MAPK10: variants seen among roughly 807,000 people sequenced by gnomAD.
MAPK10 encodes JNK3 alpha protein kinase.
In MAPK10, 25 loss-of-function variants were observed where a neutral mutation model predicts 59.3. The observed-to-expected ratio is 0.42, with a 90% confidence interval of 0.31 to 0.59. The LOEUF (loss-of-function observed/expected upper bound fraction) is 0.59, where lower values mean the gene tolerates loss of function less well. MAPK10 is among the 20% of genes least tolerant of loss of function. The pLI is 0.15. For synonymous variants in MAPK10, 190 were observed against 200.5 expected, an observed-to-expected ratio of 0.95 and a Z score of 0.44; for missense variants, 351 against 568.9, an observed-to-expected ratio of 0.62 and a Z score of 3.90.
At chr4:86,487,469 C>T (rs1754094077) in intron 1 of MAPK10, among the ~76,000 whole-genome samples, 1 of 151,894 alleles carries the variant, frequency 6.6e-6, no homozygotes, top group South Asian at 2.1e-4. Context: ...GTGGCTCACA[C>T]CTGTAATCCC....
chr4:86,272,844 C>T (rs2094473061), intron 2 of MAPK10, among the ~76,000 whole-genome samples: 1 of 152,062 alleles, frequency 6.6e-6, no homozygotes, highest in South Asian at 2.1e-4. Flanking sequence ...AGTCTGCATG[C>T]ATGATGAGCT....
chr4:86,169,284 C>A (rs964186411), intron 3 of MAPK10, among the ~76,000 whole-genome samples: 1 of 152,064 alleles, frequency 6.6e-6, no homozygotes, highest in Admixed American at 6.5e-5. Context: ...GGAGGAAATT[C>A]AAACCAAAGG....
At chr4:86,140,741 A>G (rs558805989) in intron 4 of MAPK10, among the ~76,000 whole-genome samples, 2 of 152,238 alleles carry the variant, frequency 1.3e-5, no homozygotes, top group African/African-American at 4.8e-5. Context: ...ACCAGCTACA[A>G]ATTACACATA....
At chr4:86,149,903 G>A (rs968844376) in intron 4 of MAPK10, among the ~76,000 whole-genome samples, 1 of 151,944 alleles carries the variant, frequency 6.6e-6, no homozygotes, top group Non-Finnish European at 1.5e-5. Context: ...CATTCCAAAC[G>A]AGCCCCAGAT....
In MAPK10 at chr4:86,576,580, C is replaced by T. The variant is rs181729806; in HGVS notation, c.-263+17330G>A. ...ATGAGGTCAGGAGATCAAGACCAGC[C>T]TGACTAACACAGCGAAACCCCGTCT... On this transcript the variant is annotated intron_variant, in intron 1 of 4. Coordinates refer to the MAPK10 transcript ENST00000502302. Among the ~76,000 whole-genome samples, 704 of 150,898 alleles carry T rather than the reference C, an allele frequency of 4.7e-3. 2 individuals carry two copies. The highest frequency in any genetic ancestry group is 0.016 in the African/African-American group (642 of 41,016).
chr4:86,552,674 T>C (rs951878032), intron 1 of MAPK10, among the ~76,000 whole-genome samples: 1 of 152,164 alleles, frequency 6.6e-6, no homozygotes, highest in Non-Finnish European at 1.5e-5. Flanking sequence ...TTTTTCTGGA[T>C]TATTTTTTCA....
intron 4 of MAPK10, among the ~76,000 whole-genome samples, chr4:86,136,634 C>A (rs2149161610): frequency 6.7e-6 from 1 of 150,206 alleles, no homozygotes; most frequent in South Asian, 2.1e-4. Context: ...AACTAACGAG[C>A]AAAATCACCA....
At chr4:86,392,608 A>G (rs1041426211) in intron 1 of MAPK10, among the ~76,000 whole-genome samples, 4 of 148,480 alleles carry the variant, frequency 2.7e-5, no homozygotes, top group African/African-American at 5.1e-5. Flanking sequence ...AACAAAAAAG[A>G]AAAAAAAAAG....
intron 11 of MAPK10, among the ~76,000 whole-genome samples, chr4:86,032,792 T>A (rs3775172): frequency 6.6e-6 from 1 of 152,176 alleles, no homozygotes; most frequent in African/African-American, 2.4e-5. Flanking sequence ...AGACTTTGCC[T>A]GGCTGTGGTG....
chr4:86,571,864 T>C (rs1170602135), intron 1 of MAPK10, among the ~76,000 whole-genome samples: 1 of 152,148 alleles, frequency 6.6e-6, no homozygotes, highest in Non-Finnish European at 1.5e-5. Context: ...AAAGGTGTCA[T>C]TAAAAATATA....
At chr4:86,098,822 G>A in intron 8 of MAPK10, 1 of 442,510 alleles carries the variant, frequency 2.3e-6, no homozygotes, top group East Asian at 3.6e-5. Flanking sequence ...TACTTTGTGG[G>A]TGCCTTACAT....
At chr4:86,167,198 C>A (rs2072054357) in intron 3 of MAPK10, among the ~76,000 whole-genome samples, 1 of 152,046 alleles carries the variant, frequency 6.6e-6, no homozygotes, top group Non-Finnish European at 1.5e-5. Flanking sequence ...AGACCAATAC[C>A]AAGTTCTGAA....
intron 1 of MAPK10, among the ~76,000 whole-genome samples, chr4:86,478,559 T>C (rs949579521): frequency 6.6e-5 from 10 of 152,178 alleles, no homozygotes; most frequent in African/African-American, 2.2e-4. Flanking sequence ...CTGACACATA[T>C]ACTTTCTGCT....
At chr4:86,222,367 C>T (rs930329804) in intron 2 of MAPK10, among the ~76,000 whole-genome samples, 4 of 152,134 alleles carry the variant, frequency 2.6e-5, no homozygotes, top group South Asian at 2.1e-4. Context: ...ACAGCTGAGC[C>T]GTTTCCTAAA....
chr4:86,503,499 A>G (rs761661746), intron 1 of MAPK10, among the ~76,000 whole-genome samples: 1 of 152,144 alleles, frequency 6.6e-6, no homozygotes, highest in African/African-American at 2.4e-5. Flanking sequence ...TCAAAGGCTC[A>G]TTATTACCTA....
chr4:86,310,302 T>G (rs2095644595), intron 2 of MAPK10, among the ~76,000 whole-genome samples: 2 of 152,168 alleles, frequency 1.3e-5, no homozygotes. Flanking sequence ...AGGCCCATCC[T>G]AAATCTTGGC....
intron 1 of MAPK10, among the ~76,000 whole-genome samples, chr4:86,490,682 C>T (rs561338593): frequency 4.9e-4 from 74 of 152,204 alleles, no homozygotes; most frequent in Non-Finnish European, 9.7e-4. Flanking sequence ...AATTCACCCA[C>T]GCAGAGACAG....
chr4:86,084,369 C>CA (rs1017038890), intron 9 of MAPK10, among the ~76,000 whole-genome samples: 4 of 152,136 alleles, frequency 2.6e-5, no homozygotes, highest in African/African-American at 9.7e-5. Context: ...AAGACTCCAT[C>CA]AAAAAACTAT....
At chr4:86,570,346 T>C (rs1207125710) in intron 1 of MAPK10, among the ~76,000 whole-genome samples, 1 of 152,140 alleles carries the variant, frequency 6.6e-6, no homozygotes, top group African/African-American at 2.4e-5. Flanking sequence ...ATATTACAGA[T>C]AAATCTGATG....
Sources: allele counts gnomAD v4.1 joint callset (sites outside exome capture counted in the v4.1 genomes callset), GRCh38; gene constraint gnomAD v4.1.1; transcripts MANE v1.5; gene names NCBI Gene and HGNC (gene_info 2026-07-23, HGNC 2026-07-21).